CTHRC1: variants seen among roughly 807,000 people sequenced by gnomAD.
The protein encoded by CTHRC1 is collagen triple helix repeat containing 1.
In CTHRC1, 21 loss-of-function variants were observed where a neutral mutation model predicts 25.9. That is an observed-to-expected ratio of 0.81 (90% CI 0.57 to 1.17). The LOEUF (loss-of-function observed/expected upper bound fraction) is 1.17, where lower values mean the gene tolerates loss of function less well. CTHRC1 is among the 50% of genes most tolerant of loss of function. The probability of loss-of-function intolerance (pLI) is 0.00; values close to 1 mark genes in which losing one functional copy is unlikely to be tolerated. For synonymous variants in CTHRC1, 109 were observed against 113.1 expected (o/e 0.96, Z 0.23); for missense variants, 281 against 304.3 (o/e 0.92, Z 0.57).
At chr8:103,373,661 C>T (rs1201054021) in intron 1 of CTHRC1, among the ~76,000 whole-genome samples, 2 of 147,192 alleles carry the variant, frequency 1.4e-5, no homozygotes, top group Non-Finnish European at 3.0e-5. Flanking sequence ...TTGTCCTGTC[C>T]GTTGTCGCGT....
At chr8:103,372,348 A>G (rs1017418459) in intron 1 of CTHRC1, 3 of 998,208 alleles carry the variant, frequency 3.0e-6, no homozygotes, top group East Asian at 2.8e-5. Context: ...CTTGAAGACT[A>G]TGAGTCACGT....
chr8:103,378,121 G>A lies in CTHRC1; in HGVS notation c.467G>A (p.Arg156His), dbSNP rs145062750. ...AAATGCAGAAATGCATGCTGTCAGC[G>A]TTGGTATTTCACATTCAATGGAGCT... ...RLKCRNACCQ[R>H]WYFTFNGAEC... is the part of the protein sequence containing the mutation. Residue 156 changes from arginine (R) to histidine (H), a missense_variant, in exon 3 of 4, where the codon CGT becomes CAT. By Grantham distance (29) the Arg-to-His change is conservative. Transcript: ENST00000330295. 304 of 1,614,162 alleles carry A rather than the reference G, an allele frequency of 1.9e-4. 1 individual carries two copies. The African/African-American group carries it at 3.0e-3, about 16-fold the overall frequency.
chr8:103,379,356 C>A (rs1208601909), intron 3 of CTHRC1, among the ~76,000 whole-genome samples: 1 of 152,084 alleles, frequency 6.6e-6, no homozygotes, highest in Non-Finnish European at 1.5e-5. Context: ...CTCAAGTGAT[C>A]CTCCTGCTCA....
At chr8:103,374,488 T>TCA (rs1815769835) in intron 1 of CTHRC1, among the ~76,000 whole-genome samples, 1 of 152,176 alleles carries the variant, frequency 6.6e-6, no homozygotes, top group South Asian at 2.1e-4. Context: ...CTGAACCAAT[T>TCA]CAGGTGTAGA....
chr8:103,378,967 T>C (rs1447369486), intron 3 of CTHRC1, among the ~76,000 whole-genome samples: 1 of 151,580 alleles, frequency 6.6e-6, no homozygotes. Flanking sequence ...CACTCCATCC[T>C]GAGTGATGAC....
chr8:103,375,877 G>T lies in CTHRC1; in HGVS notation c.290G>T (p.Ser97Ile). ...GAAAAGGGGGAATGTCTGAGGGAAA[G>T]CTTTGAGGAGTCCTGGACACCCAAC... ...KGEKGECLRE[S>I]FEESWTPNYK... Residue 97 changes from serine to isoleucine, a missense_variant, in exon 2 of 4, where the codon AGC becomes ATC. Physicochemically the swap from Ser to Ile is moderately radical, Grantham distance 142. Transcript: ENST00000330295. 5 of 1,614,152 alleles carry T rather than the reference G, an allele frequency of 3.1e-6. No individual in the cohort carries two copies. Among genetic ancestry groups the T allele is most frequent in the Non-Finnish European group, 4.2e-6 (5 of 1,180,034 alleles).
At chr8:103,379,828 A>G (rs1309176258) in intron 3 of CTHRC1, among the ~76,000 whole-genome samples, 17 of 152,142 alleles carry the variant, frequency 1.1e-4, no homozygotes, top group Admixed American at 1.1e-3. Context: ...TTCCTAAGCA[A>G]TCAAGGGCAT....
chr8:103,379,170 A>G (rs1586554650), intron 3 of CTHRC1, among the ~76,000 whole-genome samples: 1 of 152,250 alleles, frequency 6.6e-6, no homozygotes, highest in Admixed American at 6.5e-5. Flanking sequence ...TCCACCTAGT[A>G]TGAGGAAAAG....
In CTHRC1 at chr8:103,372,144, G is replaced by A. The variant is rs899842972; in HGVS notation, c.150+338G>A. ...CCCCTTGGGAAGGGTGGGAGGGATAGGGCGGCAGTGAGAGTAGGATGAGGA... is the reference window on the plus strand; with the variant it reads ...CCCCTTGGGAAGGGTGGGAGGGATAAGGCGGCAGTGAGAGTAGGATGAGGA... On this transcript the variant is annotated intron_variant, in intron 1 of 3. Coordinates refer to ENST00000330295, the MANE Select transcript of CTHRC1 (RefSeq NM_138455.4). Among the ~76,000 whole-genome samples the A allele has an allele frequency of 2.6e-5, 4 of 152,140 alleles. No individual in the cohort carries two copies. In the South Asian group the frequency reaches 8.3e-4, roughly 32 times the overall value.
At chr8:103,381,954 C>T (rs1353537484) in intron 3 of CTHRC1, among the ~76,000 whole-genome samples, 4 of 151,380 alleles carry the variant, frequency 2.6e-5, no homozygotes, top group South Asian at 2.1e-4. Flanking sequence ...ACTGAGATTG[C>T]GCCAGTGCAC....
chr8:103,371,579 G>T lies in CTHRC1; in HGVS notation c.-78G>T. On this transcript the variant is annotated 5_prime_UTR_variant, in exon 1 of 4. Coordinates refer to ENST00000330295, the MANE Select transcript of CTHRC1 (RefSeq NM_138455.4). ...CAGCCTGCGGCGGCCTCGGAGCGCG[G>T]CGGAGCCAGACGCTGACCACGTTCC... 1 of 1,469,022 alleles carries T rather than the reference G, an allele frequency of 6.8e-7. No homozygotes were observed. The highest frequency in any genetic ancestry group is 9.1e-7 in the Non-Finnish European group (1 of 1,098,890). 91.0% of individuals were successfully genotyped at this position (1,469,022 alleles called of 1,614,324 possible).
intron 1 of CTHRC1, among the ~76,000 whole-genome samples, chr8:103,373,886 A>G (rs906849712): frequency 1.3e-5 from 2 of 151,968 alleles, no homozygotes; most frequent in African/African-American, 4.8e-5. Flanking sequence ...GAATATCAGA[A>G]GCAGTCTTAT....
At chr8:103,375,083 G>A (rs917835484) in intron 1 of CTHRC1, among the ~76,000 whole-genome samples, 1 of 152,158 alleles carries the variant, frequency 6.6e-6, no homozygotes, top group African/African-American at 2.4e-5. Flanking sequence ...GGGAAGAGGG[G>A]TGGGATGAGA....
At chr8:103,377,748 C>T (rs1372337283) in intron 2 of CTHRC1, among the ~76,000 whole-genome samples, 3 of 152,132 alleles carry the variant, frequency 2.0e-5, no homozygotes, top group Admixed American at 6.5e-5. Context: ...GGATTACAGG[C>T]GTGCGCCACC....
At chr8:103,378,723 A>G (rs898525544) in intron 3 of CTHRC1, among the ~76,000 whole-genome samples, 1 of 152,158 alleles carries the variant, frequency 6.6e-6, no homozygotes, top group Admixed American at 6.6e-5. Flanking sequence ...CTTTCGAAGT[A>G]TCTCTTGGTA....
intron 1 of CTHRC1, among the ~76,000 whole-genome samples, chr8:103,372,171 CT>C (rs1318018393): frequency 2.6e-5 from 4 of 152,080 alleles, no homozygotes; most frequent in Admixed American, 2.0e-4. Context: ...GGATGAGGAG[CT>C]TGGGTACGTC....
chr8:103,375,996 AAG>A (rs1338769621), intron 2 of CTHRC1, 37 bp downstream of exon 2: 1 of 1,504,998 alleles, frequency 6.6e-7, no homozygotes, highest in African/African-American at 1.4e-5. Context: ...AGCAAGATTT[AAG>A]GGTTTTCATA....
Position 103,371,583 on chromosome 8 carries a change from A to C in CTHRC1, c.-74A>C. 2.0e-6 allele frequency: 3 copies of C among 1,481,030 alleles called. No individual in the cohort carries two copies. Among genetic ancestry groups the C allele is most frequent in the Non-Finnish European group, 2.7e-6 (3 of 1,107,560 alleles). 91.7% of individuals were successfully genotyped at this position (1,481,030 alleles called of 1,614,324 possible). A position where few individuals can be genotyped will look rare whatever the true frequency, so the allele number is the denominator to read the frequency against. On this transcript the variant is annotated 5_prime_UTR_variant, in exon 1 of 4. Coordinates refer to ENST00000330295, the MANE Select transcript of CTHRC1 (RefSeq NM_138455.4). ...CTGCGGCGGCCTCGGAGCGCGGCGG[A>C]GCCAGACGCTGACCACGTTCCTCTC...
At chr8:103,373,556 A>G (rs775623587) in intron 1 of CTHRC1, among the ~76,000 whole-genome samples, 20 of 151,624 alleles carry the variant, frequency 1.3e-4, no homozygotes, top group Non-Finnish European at 2.4e-4. Context: ...GTAAAGTTAT[A>G]TAGTCTTTGA....
Sources: gnomAD v4.1 joint callset for allele counts (sites outside exome capture counted in the v4.1 genomes callset) on GRCh38, gnomAD v4.1.1 for gene constraint, MANE v1.5 for transcripts, NCBI Gene and HGNC (gene_info 2026-07-23, HGNC 2026-07-21) for gene names.